LRRC7: variants seen among roughly 807,000 people sequenced by gnomAD.
The protein encoded by LRRC7 is leucine rich repeat containing 7.
In LRRC7, 23 loss-of-function variants were observed where a neutral mutation model predicts 175.7. The observed-to-expected ratio is 0.13, with a 90% CI of 0.09 to 0.19. The LOEUF (loss-of-function observed/expected upper bound fraction) is 0.19. LRRC7 is among the 10% of genes least tolerant of loss of function. The pLI, the probability that LRRC7 is intolerant of heterozygous loss-of-function variation, is 1.00. For synonymous variants in LRRC7, 685 were observed against 680.9 expected, an observed-to-expected ratio of 1.01 and a Z score of -0.09; for missense variants, 1,354 against 1,904.7, an observed-to-expected ratio of 0.71 and a Z score of 5.38.
rs1666612797 is a variant in LRRC7, at chr1:70,130,272, G to A, written c.*8385G>A. ...CTCAGGAGAGGTAAAATGACCAGAT[G>A]TTTTGTTTACCATATATCCTTAATG... On this transcript the variant is annotated 3_prime_UTR_variant, in exon 27 of 27. Coordinates refer to ENST00000651989, the MANE Select transcript of LRRC7 (RefSeq NM_001370785.2). 1 of 152,154 alleles carries A rather than the reference G, an allele frequency of 6.6e-6. No homozygotes were observed. The highest frequency in any genetic ancestry group is 6.5e-5 in the Admixed American group (1 of 15,282). 9.4% of individuals were successfully genotyped at this position (152,154 alleles called of 1,614,324 possible).
rs190072815 is a variant in LRRC7, at chr1:69,930,031, A to C, written c.648-1476A>C. On this transcript the variant is annotated intron_variant, in intron 7 of 26. Transcript: ENST00000651989. Reference sequence around the variant, plus strand: ...AATTTCGTATTCTCATTGAGGCCTTACCTGATCACCCTACTAAAAATTAAA... The same window carrying C: ...AATTTCGTATTCTCATTGAGGCCTTCCCTGATCACCCTACTAAAAATTAAA... Among the ~76,000 whole-genome samples the C allele has an allele frequency of 1.0e-3, 158 of 151,728 alleles. 1 individual carries two copies. Among genetic ancestry groups the C allele is most frequent in the Non-Finnish European group, 1.8e-3 (120 of 67,886 alleles).
At chr1:69,595,158 T>G (rs769876195) in intron 1 of LRRC7, among the ~76,000 whole-genome samples, 2 of 152,092 alleles carry the variant, frequency 1.3e-5, no homozygotes, top group Non-Finnish European at 2.9e-5. Context: ...GACACAAGCA[T>G]GTTAAGCAAT....
intron 4 of LRRC7, among the ~76,000 whole-genome samples, chr1:69,798,236 C>A (rs900785352): frequency 1.3e-5 from 2 of 151,914 alleles, no homozygotes; most frequent in African/African-American, 4.8e-5. Context: ...CATTTTTTAA[C>A]TTTATGGCCT....
intron 1 of LRRC7, among the ~76,000 whole-genome samples, chr1:69,651,883 T>A (rs757581051): frequency 4.0e-5 from 6 of 151,594 alleles, no homozygotes; most frequent in Non-Finnish European, 8.8e-5. Flanking sequence ...ACTGGCAGAG[T>A]TTGCATTCCT....
chr1:70,058,266 T>G (rs939153927), intron 23 of LRRC7, among the ~76,000 whole-genome samples: 1 of 152,160 alleles, frequency 6.6e-6, no homozygotes, highest in Middle Eastern at 3.2e-3. Context: ...CACCTCAGCT[T>G]CCCAAAGTGC....
intron 8 of LRRC7, among the ~76,000 whole-genome samples, chr1:69,935,232 A>T (rs1431735575): frequency 6.6e-6 from 1 of 152,064 alleles, no homozygotes; most frequent in African/African-American, 2.4e-5. Context: ...AACCCCTACA[A>T]AGGACTCCTA....
intron 23 of LRRC7, among the ~76,000 whole-genome samples, chr1:70,061,177 T>C (rs1164574368): frequency 1.3e-5 from 2 of 151,956 alleles, no homozygotes; most frequent in Non-Finnish European, 2.9e-5. Flanking sequence ...CCTCCGAGAG[T>C]AGCAAAGTTT....
chr1:69,756,748 T>A (rs933827601), intron 2 of LRRC7, among the ~76,000 whole-genome samples: 1 of 151,630 alleles, frequency 6.6e-6, no homozygotes. Context: ...AATGAAGGAA[T>A]AAATCTAGAA....
At chr1:69,967,764 A>C (rs1314100358) in intron 8 of LRRC7, among the ~76,000 whole-genome samples, 1 of 152,174 alleles carries the variant, frequency 6.6e-6, no homozygotes, top group South Asian at 2.1e-4. Context: ...AGAGTACTAC[A>C]TCAAGGAAAC....
At position 70,123,578 on chromosome 1, in the gene LRRC7, T is replaced by G. The variant is rs1666310198; in HGVS notation, c.*1691T>G. The G allele has an allele frequency of 6.6e-6, 1 of 152,196 alleles. No homozygotes were observed. Among genetic ancestry groups the G allele is most frequent in the Non-Finnish European group, 1.5e-5 (1 of 68,012 alleles). The allele number at this position is 152,196 out of a possible 1,614,324, so 9.4% of individuals were successfully genotyped here. On this transcript the variant is annotated 3_prime_UTR_variant, in exon 27 of 27. Coordinates refer to ENST00000651989, the MANE Select transcript of LRRC7 (RefSeq NM_001370785.2). ...ATGATGCACTAATTTTGATGTTGCTTTATGTCAGGGTGACATTATACCATG... is the reference window on the plus strand; with the variant it reads ...ATGATGCACTAATTTTGATGTTGCTGTATGTCAGGGTGACATTATACCATG...
chr1:69,756,597 TA>T (rs1200290696), intron 2 of LRRC7, among the ~76,000 whole-genome samples: 42 of 151,760 alleles, frequency 2.8e-4, no homozygotes, highest in Admixed American at 2.7e-3. Flanking sequence ...ATATGATAAA[TA>T]AAAACTTTTT....
intron 8 of LRRC7, among the ~76,000 whole-genome samples, chr1:69,934,891 A>T (rs1647832104): frequency 6.6e-6 from 1 of 152,118 alleles, no homozygotes; most frequent in Admixed American, 6.6e-5. Context: ...CTGTGCTGGA[A>T]AAAAGAGGGC....
intron 8 of LRRC7, among the ~76,000 whole-genome samples, chr1:69,972,465 T>C (rs1652339358): frequency 6.6e-6 from 1 of 152,054 alleles, no homozygotes; most frequent in Admixed American, 6.6e-5. Flanking sequence ...AGGACATGAA[T>C]AGACAATTCT....
chr1:70,076,825 G>C (rs1410688551), intron 24 of LRRC7, among the ~76,000 whole-genome samples: 1 of 152,164 alleles, frequency 6.6e-6, no homozygotes, highest in Non-Finnish European at 1.5e-5. Context: ...TGCTTCAAAA[G>C]TTACTGATAA....
intron 2 of LRRC7, among the ~76,000 whole-genome samples, chr1:69,696,453 C>T (rs147694344): frequency 1.4e-4 from 21 of 152,098 alleles, no homozygotes; most frequent in African/African-American, 4.6e-4. Flanking sequence ...CTTTGAACTT[C>T]GGACTTGGGA....
Position 70,121,772 on chromosome 1 carries a change from A to G in LRRC7, c.4621-8A>G, listed in dbSNP as rs1224564810. 1 of 1,569,418 alleles carries G rather than the reference A, an allele frequency of 6.4e-7. No homozygotes were observed. ...ATTGATTGCCCTGTTTTATTTGTGTATTTACAGGCAAATGGACACAGTTTT... is the reference window on the plus strand; with the variant it reads ...ATTGATTGCCCTGTTTTATTTGTGTGTTTACAGGCAAATGGACACAGTTTT... On this transcript the variant is annotated splice_polypyrimidine_tract_variant and splice_region_variant and intron_variant, in intron 26 of 26. Transcript: ENST00000651989.
At chr1:69,580,730 C>T (rs999531440) in intron 1 of LRRC7, among the ~76,000 whole-genome samples, 4 of 152,108 alleles carry the variant, frequency 2.6e-5, no homozygotes, top group South Asian at 2.1e-4. Context: ...GTGCTAGACA[C>T]GGTTGAGTAC....
chr1:69,883,007 T>C (rs371061066), intron 7 of LRRC7, among the ~76,000 whole-genome samples: 7 of 152,040 alleles, frequency 4.6e-5, no homozygotes, highest in African/African-American at 7.2e-5. Context: ...TTAATCCAGT[T>C]TATCATTGTT....
At chr1:70,014,887 T>C (rs1656832162) in intron 13 of LRRC7, among the ~76,000 whole-genome samples, 1 of 152,040 alleles carries the variant, frequency 6.6e-6, no homozygotes, top group African/African-American at 2.4e-5. Flanking sequence ...TGCCCTTTTC[T>C]AGCAGTTTCT....
Sources: allele counts gnomAD v4.1 joint callset (sites outside exome capture counted in the v4.1 genomes callset), GRCh38; gene constraint gnomAD v4.1.1; transcripts MANE v1.5; gene names NCBI Gene and HGNC (gene_info 2026-07-23, HGNC 2026-07-21).